ROR2: variants seen among roughly 807,000 people sequenced by gnomAD.
The protein encoded by ROR2 is tyrosine-protein kinase transmembrane receptor ROR2.
Under a neutral mutation model 74.9 loss-of-function variants are expected in ROR2, and 33 were observed. The ratio of observed to expected loss-of-function variants is 0.44; its 90% CI spans 0.33 to 0.59. The LOEUF (loss-of-function observed/expected upper bound fraction) is 0.59, where lower values mean the gene tolerates loss of function less well. ROR2 is among the 20% of genes least tolerant of loss of function. The pLI, the probability that ROR2 is intolerant of heterozygous loss-of-function variation, is 0.02. For missense variants in ROR2, 1,216 were observed against 1,313.8 expected (o/e 0.93, Z 1.15); for synonymous variants, 586 against 558.7 (o/e 1.05, Z -0.69).
chr9:91,862,406 C>T (rs1829497169), intron 1 of ROR2, among the ~76,000 whole-genome samples: 1 of 152,060 alleles, frequency 6.6e-6, no homozygotes. Context: ...ACCTGCAATC[C>T]TAGCACTTTG....
chr9:91,906,451 T>C (rs3905385), intron 1 of ROR2, among the ~76,000 whole-genome samples: 35,862 of 152,044 alleles, frequency 0.24, 4,866 homozygotes, highest in Admixed American at 0.42. Context: ...TAGTGGCACA[T>C]GGTCACAGGC....
intron 1 of ROR2, among the ~76,000 whole-genome samples, chr9:91,845,062 G>A (rs1828886824): frequency 6.6e-6 from 1 of 152,180 alleles, no homozygotes; most frequent in Admixed American, 6.5e-5. Flanking sequence ...TGGCCTGTAA[G>A]GGGAGGGGCA....
intron 1 of ROR2, among the ~76,000 whole-genome samples, chr9:91,852,655 A>C (rs1018402411): frequency 1.3e-5 from 2 of 151,874 alleles, no homozygotes; most frequent in Non-Finnish European, 2.9e-5. Context: ...ACACACCCAC[A>C]CACACAATGT....
At chr9:91,949,117 G>C (rs954921750) in intron 1 of ROR2, among the ~76,000 whole-genome samples, 4 of 150,370 alleles carry the variant, frequency 2.7e-5, no homozygotes, top group African/African-American at 9.8e-5. Flanking sequence ...AGGTCCCGGG[G>C]GTCCCCCCGG....
intron 1 of ROR2, among the ~76,000 whole-genome samples, chr9:91,790,349 A>T (rs1235724077): frequency 6.6e-6 from 1 of 152,052 alleles, no homozygotes; most frequent in Non-Finnish European, 1.5e-5. Flanking sequence ...GAAAAAAAAA[A>T]AAATACAAAA....
At chr9:91,892,815 C>CACCA (rs1830455000) in intron 1 of ROR2, among the ~76,000 whole-genome samples, 1 of 151,990 alleles carries the variant, frequency 6.6e-6, no homozygotes, top group Non-Finnish European at 1.5e-5. Context: ...TGGTCTCAAT[C>CACCA]TCTTGACCTC....
At chr9:91,795,131 A>G (rs10992114) in intron 1 of ROR2, among the ~76,000 whole-genome samples, 6,959 of 152,306 alleles carry the variant, frequency 0.046, 363 homozygotes, top group East Asian at 0.29. Context: ...AGAAAAAAAA[A>G]AAAGTAATGC....
At chr9:91,771,519 A>G (rs1461604890) in intron 2 of ROR2, among the ~76,000 whole-genome samples, 1 of 152,226 alleles carries the variant, frequency 6.6e-6, no homozygotes. Context: ...AGCTCTGTTA[A>G]ATATTCACTC....
intron 1 of ROR2, among the ~76,000 whole-genome samples, chr9:91,830,471 C>G (rs1828430015): frequency 6.6e-6 from 1 of 152,102 alleles, no homozygotes. Flanking sequence ...GACTCTGTCT[C>G]TAAAACAAGA....
chr9:91,919,118 A>G (rs1406203), intron 1 of ROR2, among the ~76,000 whole-genome samples: 2,690 of 152,330 alleles, frequency 0.018, 90 homozygotes, highest in African/African-American at 0.061. Flanking sequence ...AGAAATCTTT[A>G]AGGACAAATA....
intron 1 of ROR2, among the ~76,000 whole-genome samples, chr9:91,787,263 C>T (rs4400454): frequency 0.058 from 8,852 of 152,218 alleles, 489 homozygotes; most frequent in Admixed American, 0.16. Flanking sequence ...GTAATCCCAG[C>T]ACTTTGGGAG....
chr9:91,920,768 T>G (rs16907979), intron 1 of ROR2, among the ~76,000 whole-genome samples: 4 of 151,794 alleles, frequency 2.6e-5, no homozygotes, highest in Non-Finnish European at 5.9e-5. Flanking sequence ...TGTTCAGAGG[T>G]GACAGAGCTA....
chr9:91,785,723 T>C (rs1310521623), intron 1 of ROR2, among the ~76,000 whole-genome samples: 1 of 152,182 alleles, frequency 6.6e-6, no homozygotes, highest in African/African-American at 2.4e-5. Flanking sequence ...GCGACACGGC[T>C]CTGTGGCCCT....
rs768540708 is a variant in ROR2 at position 91,724,885 on chromosome 9, C to G, written c.1609G>C (p.Val537Leu). ...LRARLQHPNV[V>L]CLLGVVTKDQ... is the part of the protein sequence containing the mutation. The stretch of plus-strand genomic sequence containing the variant: ...TTGGTCACCACGCCCAGCAGGCAGA[C>G]GACGTTGGGGTGTTGCAGCCGTGCT... The change falls in exon 9 of 9, where the codon GTC becomes CTC. Residue 537 changes from valine to leucine, a missense_variant. Physicochemically the swap from Val to Leu is conservative, Grantham distance 32. Transcript: ENST00000375708. The G allele has an allele frequency of 9.4e-6, 15 of 1,603,766 alleles. No homozygotes were observed. Among genetic ancestry groups the G allele is most frequent in the Non-Finnish European group, 1.3e-5 (15 of 1,173,014 alleles).
rs545431028 is a variant in ROR2, at chr9:91,875,195, A to C, written c.97+74672T>G. Among the ~76,000 whole-genome samples the C allele has an allele frequency of 2.0e-5, 3 of 152,352 alleles. No individual in the cohort carries two copies. In the South Asian group the frequency reaches 6.2e-4, roughly 32 times the overall value. ...TCTAACTTCAACATGTAATTCCGTA[A>C]ATGAAATGCCTAGAGATATCCTGCA... On this transcript the variant is annotated intron_variant, in intron 1 of 8. Transcript: ENST00000375708.
intron 1 of ROR2, among the ~76,000 whole-genome samples, chr9:91,916,385 C>T (rs1831135720): frequency 6.6e-6 from 1 of 152,164 alleles, no homozygotes; most frequent in African/African-American, 2.4e-5. Flanking sequence ...AAGCATTTTG[C>T]CTATGCAATG....
intron 2 of ROR2, among the ~76,000 whole-genome samples, chr9:91,766,619 C>G (rs1708399186): frequency 6.6e-6 from 1 of 152,202 alleles, no homozygotes; most frequent in African/African-American, 2.4e-5. Context: ...TAATTTATAG[C>G]CAGTCATTTA....
At chr9:91,758,597 G>C (rs544061072) in intron 2 of ROR2, among the ~76,000 whole-genome samples, 2 of 152,260 alleles carry the variant, frequency 1.3e-5, no homozygotes, top group African/African-American at 4.8e-5. Flanking sequence ...ACACACTAGG[G>C]GGCACACAGG....
intron 1 of ROR2, among the ~76,000 whole-genome samples, chr9:91,879,171 C>A (rs1004514001): frequency 6.6e-6 from 1 of 151,886 alleles, no homozygotes; most frequent in African/African-American, 2.4e-5. Context: ...CATCACCAAA[C>A]GGACATAGGG....
Sources: allele counts gnomAD v4.1 joint callset (sites outside exome capture counted in the v4.1 genomes callset), GRCh38; gene constraint gnomAD v4.1.1; transcripts MANE v1.5; gene names NCBI Gene and HGNC (gene_info 2026-07-23, HGNC 2026-07-21).